Variants in RANBP9 observed in about 807,000 individuals in gnomAD.
The protein encoded by RANBP9 is ran-binding protein 9.
A neutral mutation model predicts 84.3 loss-of-function variants in RANBP9; 15 were observed. The observed-to-expected ratio is 0.18, with a 90% CI of 0.12 to 0.27. RANBP9 has a LOEUF of 0.27. Among genes scored for constraint, RANBP9 ranks in the 10% least tolerant of loss-of-function variants. The pLI, the probability that RANBP9 is intolerant of heterozygous loss-of-function variation, is 1.00. For synonymous variants in RANBP9, 392 were observed against 349.6 expected, an observed-to-expected ratio of 1.12 and a Z score of -1.35; for missense variants, 809 against 912.8, an observed-to-expected ratio of 0.89 and a Z score of 1.46.
rs141608270 is a variant in RANBP9 at position 13,663,183 on chromosome 6, C to T, written c.684-4351G>A. On this transcript the variant is annotated intron_variant, in intron 2 of 13. Coordinates refer to ENST00000011619, the MANE Select transcript of RANBP9 (RefSeq NM_005493.3). The stretch of plus-strand genomic sequence containing the variant: ...AGTGCAGAAAACAGCTAGAGAAAAA[C>T]GACATATTACTTTCACAGGAACACT... 7.9e-5 allele frequency among the ~76,000 whole-genome samples: 12 copies of T among 151,928 alleles called. 1 individual carries two copies. The highest frequency in any genetic ancestry group is 1.4e-4 in the African/African-American group (6 of 41,472).
At chr6:13,624,251 T>A (rs1252495476) in intron 13 of RANBP9, among the ~76,000 whole-genome samples, 2 of 152,226 alleles carry the variant, frequency 1.3e-5, no homozygotes, top group South Asian at 4.1e-4. Flanking sequence ...AGAAACAGAC[T>A]GAGTCTTAAA....
intron 2 of RANBP9, among the ~76,000 whole-genome samples, chr6:13,664,711 GTA>G (rs1375439004): frequency 6.6e-6 from 1 of 152,056 alleles, no homozygotes; most frequent in African/African-American, 2.4e-5. Context: ...TTATATGAAT[GTA>G]TTATCACTGT....
intron 4 of RANBP9, among the ~76,000 whole-genome samples, chr6:13,653,946 A>C (rs1178034233): frequency 6.6e-6 from 1 of 152,114 alleles, no homozygotes; most frequent in East Asian, 1.9e-4. Flanking sequence ...AAAATTTCAC[A>C]AAAGTAAAAA....
At chr6:13,640,765 T>C (rs1368285408) in intron 8 of RANBP9, among the ~76,000 whole-genome samples, 5 of 152,126 alleles carry the variant, frequency 3.3e-5, no homozygotes, top group Admixed American at 6.6e-5. Context: ...TAGTGTTTAA[T>C]AGAGAGTTTC....
intron 2 of RANBP9, among the ~76,000 whole-genome samples, chr6:13,690,022 G>C (rs1766286943): frequency 6.6e-6 from 1 of 152,020 alleles, no homozygotes; most frequent in African/African-American, 2.4e-5. Context: ...TACCATCTAG[G>C]TTTACATAAG....
At chr6:13,677,029 A>G (rs1304408563) in intron 2 of RANBP9, among the ~76,000 whole-genome samples, 1 of 152,212 alleles carries the variant, frequency 6.6e-6, no homozygotes, top group Non-Finnish European at 1.5e-5. Flanking sequence ...GAGACAAGAA[A>G]AGGAAATAAA....
At chr6:13,641,492 T>C (rs114412408) in intron 7 of RANBP9, among the ~76,000 whole-genome samples, 185 bp from the exon 8 acceptor site, 1 of 151,234 alleles carries the variant, frequency 6.6e-6, no homozygotes, top group African/African-American at 2.4e-5. Flanking sequence ...ACTAGAAAAT[T>C]AGAAAAACAA....
chr6:13,653,177 T>C (rs1335075906), intron 4 of RANBP9, among the ~76,000 whole-genome samples: 2 of 152,178 alleles, frequency 1.3e-5, no homozygotes, highest in Non-Finnish European at 2.9e-5. Context: ...TTAAAAAATG[T>C]TTCTTATGAA....
At chr6:13,706,479 G>C (rs1051344083) in intron 1 of RANBP9, among the ~76,000 whole-genome samples, 1 of 152,150 alleles carries the variant, frequency 6.6e-6, no homozygotes, top group African/African-American at 2.4e-5. Flanking sequence ...CAGATCACGA[G>C]GTCAAGAGAT....
chr6:13,648,581 GA>G (rs1186124396), intron 5 of RANBP9, among the ~76,000 whole-genome samples: 1 of 152,110 alleles, frequency 6.6e-6, no homozygotes, highest in East Asian at 1.9e-4. Context: ...GGTTCTTTAT[GA>G]AAAGAATAGG....
At chr6:13,625,570 A>G (rs1584905943) in intron 13 of RANBP9, 83 bp downstream of exon 13, 8 of 837,728 alleles carry the variant, frequency 9.5e-6, no homozygotes, top group South Asian at 6.0e-5. Flanking sequence ...TGATTTTACC[A>G]AAGTGTAAAT....
Position 13,671,890 on chromosome 6 carries a change from C to T in RANBP9, c.684-13058G>A, listed in dbSNP as rs1230982823. On this transcript the variant is annotated intron_variant, in intron 2 of 13. Transcript: ENST00000011619. ...CCTCACAAGAAAAAAAGCAGAACAACTGAAAATCAACTACTCTTAGAAGCA... is the reference window on the plus strand; with the variant it reads ...CCTCACAAGAAAAAAAGCAGAACAATTGAAAATCAACTACTCTTAGAAGCA... Among the ~76,000 whole-genome samples, 3 of 152,084 alleles carry T rather than the reference C, an allele frequency of 2.0e-5. No individual in the cohort carries two copies. In the East Asian group the frequency reaches 5.8e-4, roughly 29 times the overall value.
At chr6:13,657,683 A>C (rs1765433410) in intron 3 of RANBP9, among the ~76,000 whole-genome samples, 1 of 152,212 alleles carries the variant, frequency 6.6e-6, no homozygotes. Flanking sequence ...CAAGTTTCTC[A>C]AGACTGTGAT....
chr6:13,645,191 G>A (rs1032353744), intron 5 of RANBP9, among the ~76,000 whole-genome samples: 1 of 152,030 alleles, frequency 6.6e-6, no homozygotes, highest in Non-Finnish European at 1.5e-5. Context: ...GCATTTAATA[G>A]CTTAAATTTA....
intron 1 of RANBP9, among the ~76,000 whole-genome samples, chr6:13,707,882 T>G (rs1037589598): frequency 6.6e-6 from 1 of 152,234 alleles, no homozygotes; most frequent in Non-Finnish European, 1.5e-5. Flanking sequence ...TTGTACTTAT[T>G]CAATACTGAC....
rs1342591466 is a variant in RANBP9 at position 13,649,183 on chromosome 6, G to T, written c.927+3476C>A. ...AAGGAAGAATTGATATGAAGCCTATGGAAGTCCCAGAAGATTTACAGTATT... is the reference window on the plus strand; with the variant it reads ...AAGGAAGAATTGATATGAAGCCTATTGAAGTCCCAGAAGATTTACAGTATT... On this transcript the variant is annotated intron_variant, in intron 5 of 13. Coordinates refer to ENST00000011619, the MANE Select transcript of RANBP9 (RefSeq NM_005493.3). Among the ~76,000 whole-genome samples the T allele has an allele frequency of 3.3e-5, 5 of 152,138 alleles. No individual in the cohort carries two copies. In the East Asian group the frequency reaches 9.7e-4, roughly 29 times the overall value.
At chr6:13,705,899 T>C (rs917050836) in intron 1 of RANBP9, among the ~76,000 whole-genome samples, 12 of 143,676 alleles carry the variant, frequency 8.4e-5, no homozygotes, top group Non-Finnish European at 1.7e-4. Flanking sequence ...AACATTTTTA[T>C]ATCACCCCCG....
intron 2 of RANBP9, among the ~76,000 whole-genome samples, chr6:13,681,626 C>G (rs189059319): frequency 2.6e-5 from 4 of 151,962 alleles, no homozygotes; most frequent in South Asian, 4.2e-4. Context: ...TAAAAAAATT[C>G]AAAAGCAACA....
In RANBP9 at chr6:13,707,085, GC is replaced by G. The variant is rs1584952983; in HGVS notation, c.571+3849del. 2.6e-5 allele frequency among the ~76,000 whole-genome samples: 4 copies of G among 151,390 alleles called. No homozygotes were observed. In the East Asian group the frequency reaches 7.7e-4, roughly 29 times the overall value. On this transcript the variant is annotated intron_variant, in intron 1 of 13. Coordinates refer to ENST00000011619, the MANE Select transcript of RANBP9 (RefSeq NM_005493.3). The stretch of plus-strand genomic sequence containing the variant: ...GATAGGGTCTCACTCTGTCACCCAG[GC>G]CATCATAGCTCACTGAAGCCTCAAC...
Sources: allele counts gnomAD v4.1 joint callset (sites outside exome capture counted in the v4.1 genomes callset), GRCh38; gene constraint gnomAD v4.1.1; transcripts MANE v1.5; gene names NCBI Gene and HGNC (gene_info 2026-07-23, HGNC 2026-07-21).